The following CCDC102B variants were observed in gnomAD, a reference collection of about 807,000 sequenced individuals.
CCDC102B encodes the protein coiled-coil domain-containing protein 102B.
In CCDC102B, 75 loss-of-function variants were observed where a neutral mutation model predicts 57.4. The observed-to-expected ratio is 1.31, with a 90% CI of 1.08 to 1.58. The LOEUF (loss-of-function observed/expected upper bound fraction) is 1.58. CCDC102B is among the 40% of genes most tolerant of loss of function. The pLI is 0.00. For synonymous variants in CCDC102B, 206 were observed against 201.9 expected (o/e 1.02, Z -0.17); for missense variants, 636 against 582.6 (o/e 1.09, Z -0.94).
chr18:68,755,433 A>G (rs1423498431), intron 2 of CCDC102B, among the ~76,000 whole-genome samples: 2 of 152,162 alleles, frequency 1.3e-5, no homozygotes, highest in East Asian at 3.8e-4. Context: ...GAAAAATTCC[A>G]TGCTTCAAAA....
Position 69,022,222 on chromosome 18 carries a change from T to TATATATAA in CCDC102B, c.1434+11119_1434+11120insTATATAAA, listed in dbSNP as rs1395799223. Among the ~76,000 whole-genome samples the TATATATAA allele has an allele frequency of 1.3e-4, 12 of 94,980 alleles. No individual in the cohort carries two copies. The South Asian group carries it at 1.3e-3, about 10-fold the overall frequency. The allele number at this position is 94,980 out of a possible 152,430, so 62.3% of individuals were successfully genotyped here. A position where few individuals can be genotyped will look rare whatever the true frequency, so the allele number is the denominator to read the frequency against. On this transcript the variant is annotated intron_variant, in intron 7 of 7. Transcript: ENST00000360242. ...ATATATATATATATATATATATATA[T>TATATATAA]AACACACACACACGCGTGCGTGTGC...
At chr18:69,049,683 T>C (rs909208207) in intron 7 of CCDC102B, among the ~76,000 whole-genome samples, 4 of 152,172 alleles carry the variant, frequency 2.6e-5, no homozygotes, top group African/African-American at 9.6e-5. Flanking sequence ...ATGGTTAACC[T>C]AGAAAAACAC....
Position 68,846,414 on chromosome 18 carries a change from T to G in CCDC102B, c.929T>G (p.Val310Gly). 1 of 1,571,722 alleles carries G rather than the reference T, an allele frequency of 6.4e-7. No individual in the cohort carries two copies. Among genetic ancestry groups the G allele is most frequent in the Non-Finnish European group, 8.6e-7 (1 of 1,157,514 alleles). ...CTGAAAGAATCAAAGCCAAAAAATG[T>G]GAAAGAGGTATGGGGGAATATGATG... ...EELKESKPKN[V>G]KEFDILLGQH... The change falls in exon 4 of 8, where the codon GTG (valine) becomes GGG (glycine). Residue 310 changes from valine (V) to glycine (G), a missense_variant. Val to Gly is a moderately radical substitution (Grantham distance 109, BLOSUM62 -3). Transcript: ENST00000360242.
chr18:69,054,338 A>G lies in CCDC102B; in HGVS notation c.*201A>G. 1 of 1,223,272 alleles carries G rather than the reference A, an allele frequency of 8.2e-7. No homozygotes were observed. The highest frequency in any genetic ancestry group is 1.0e-6 in the Non-Finnish European group (1 of 981,612). 75.8% of individuals were successfully genotyped at this position (1,223,272 alleles called of 1,614,324 possible). A position where few individuals can be genotyped will look rare whatever the true frequency, so the allele number is the denominator to read the frequency against. On this transcript the variant is annotated 3_prime_UTR_variant, in exon 8 of 8. Coordinates refer to ENST00000360242, the MANE Select transcript of CCDC102B (RefSeq NM_024781.3). ...GCATATTCTCAAAAAGACAATTTAA[A>G]TGTCATTTAAAAACAACTTTAATTC...
intron 7 of CCDC102B, among the ~76,000 whole-genome samples, chr18:69,027,785 G>A (rs2052032433): frequency 6.6e-6 from 1 of 151,978 alleles, no homozygotes; most frequent in Non-Finnish European, 1.5e-5. Context: ...TATGAGTGAT[G>A]TTAAAAACCA....
At chr18:69,016,576 A>G (rs1408110913) in intron 7 of CCDC102B, among the ~76,000 whole-genome samples, 1 of 152,216 alleles carries the variant, frequency 6.6e-6, no homozygotes, top group Non-Finnish European at 1.5e-5. Flanking sequence ...TCAAATGCCT[A>G]GGTAATCTTA....
chr18:68,834,924 T>A (rs997696365), intron 1 of CCDC102B, among the ~76,000 whole-genome samples: 8 of 151,874 alleles, frequency 5.3e-5, no homozygotes, highest in Admixed American at 2.0e-4. Context: ...TGTAACTATA[T>A]AAAAGCAGAT....
chr18:68,824,697 G>A (rs184883644), intron 1 of CCDC102B, among the ~76,000 whole-genome samples: 4 of 152,156 alleles, frequency 2.6e-5, no homozygotes, highest in Non-Finnish European at 5.9e-5. Context: ...ATGTGCACAA[G>A]TTGTTATTTG....
At chr18:68,986,044 A>G (rs977628562) in intron 6 of CCDC102B, among the ~76,000 whole-genome samples, 1 of 152,216 alleles carries the variant, frequency 6.6e-6, no homozygotes, top group Non-Finnish European at 1.5e-5. Context: ...TTCATGTTTA[A>G]GGTGAACATA....
intron 6 of CCDC102B, among the ~76,000 whole-genome samples, chr18:68,925,942 G>A (rs559111581): frequency 3.3e-5 from 5 of 151,818 alleles, no homozygotes; most frequent in African/African-American, 1.2e-4. Context: ...CCTCTTACTT[G>A]ACACTTTTGT....
chr18:68,997,131 G>C (rs1050394409), intron 6 of CCDC102B, among the ~76,000 whole-genome samples: 3 of 152,038 alleles, frequency 2.0e-5, no homozygotes, highest in Non-Finnish European at 4.4e-5. Flanking sequence ...CACTGTGATT[G>C]TAAGTTTCCT....
intron 2 of CCDC102B, among the ~76,000 whole-genome samples, chr18:68,765,612 A>T (rs2034446457): frequency 6.6e-6 from 1 of 152,204 alleles, no homozygotes; most frequent in South Asian, 2.1e-4. Flanking sequence ...TTTTGGAATC[A>T]TTCTGTAGAT....
intron 3 of CCDC102B, among the ~76,000 whole-genome samples, chr18:68,842,623 G>A (rs1010427290): frequency 1.3e-5 from 2 of 152,132 alleles, no homozygotes; most frequent in African/African-American, 4.8e-5. Context: ...TAAGCGAGAA[G>A]CAGCAGCAAT....
intron 2 of CCDC102B, among the ~76,000 whole-genome samples, chr18:68,747,365 A>G (rs2033660787): frequency 6.6e-6 from 1 of 152,100 alleles, no homozygotes; most frequent in African/African-American, 2.4e-5. Flanking sequence ...TTTACTTAAC[A>G]TAATGTTCTG....
At position 69,055,033 on chromosome 18, in the gene CCDC102B, A is replaced by G; in HGVS notation, c.*896A>G. On this transcript the variant is annotated 3_prime_UTR_variant, in exon 8 of 8. Transcript: ENST00000360242. ...TGTTATTTTGAACAAAAAGACACTT[A>G]TAATTTTCCATACCTATTTTCAACT... The G allele has an allele frequency of 1.0e-6, 1 of 982,878 alleles. No individual in the cohort carries two copies. The allele number at this position is 982,878 out of a possible 1,614,324, so 60.9% of individuals were successfully genotyped here.
chr18:68,890,595 G>A (rs1942287), intron 5 of CCDC102B, among the ~76,000 whole-genome samples: 37,679 of 152,074 alleles, frequency 0.25, 6,086 homozygotes, highest in East Asian at 0.61. Flanking sequence ...ACCAAGATAT[G>A]GAAGATTTTT....
chr18:68,738,415 C>T (rs1471503110), intron 2 of CCDC102B, among the ~76,000 whole-genome samples: 1 of 152,180 alleles, frequency 6.6e-6, no homozygotes, highest in Non-Finnish European at 1.5e-5. Flanking sequence ...CTATCCCATC[C>T]AAGATTACAT....
intron 2 of CCDC102B, among the ~76,000 whole-genome samples, chr18:68,773,658 G>A (rs375969044): frequency 1.8e-4 from 27 of 151,822 alleles, no homozygotes; most frequent in South Asian, 8.3e-4. Flanking sequence ...TTTCAAGTAC[G>A]TAAAATGCAA....
intron 6 of CCDC102B, among the ~76,000 whole-genome samples, chr18:69,000,160 A>G (rs974462914): frequency 3.9e-5 from 6 of 152,214 alleles, no homozygotes; most frequent in Non-Finnish European, 8.8e-5. Context: ...AATAACAATA[A>G]TAGTAATTAG....
Sources: gnomAD v4.1 joint callset for allele counts (sites outside exome capture counted in the v4.1 genomes callset) on GRCh38, gnomAD v4.1.1 for gene constraint, MANE v1.5 for transcripts, NCBI Gene and HGNC (gene_info 2026-07-23, HGNC 2026-07-21) for gene names.